The following KDM6A variants were observed in gnomAD, a reference collection of about 807,000 sequenced individuals.
The protein encoded by KDM6A is lysine-specific demethylase 6A.
KDM6A carries 11 observed loss-of-function variants against 117.6 expected under a neutral mutation model. The ratio of observed to expected loss-of-function variants is 0.09; its 90% CI spans 0.06 to 0.15. KDM6A has a LOEUF of 0.15. Among genes scored for constraint, KDM6A ranks in the 10% least tolerant of loss-of-function variants. KDM6A has a pLI of 1.00. For missense variants in KDM6A, 799 were observed against 1,077.3 expected (o/e 0.74, Z 3.62); for synonymous variants, 384 against 396.1 (o/e 0.97, Z 0.36).
At chrX:44,988,400 TCTC>T (rs966488835) in intron 4 of KDM6A, among the ~76,000 whole-genome samples, 5 of 111,566 alleles carry the variant, frequency 4.5e-5, no homozygotes, top group African/African-American at 1.6e-4. Context: ...GAAGCCTTCT[TCTC>T]TCAACTCGTT....
intron 10 of KDM6A, among the ~76,000 whole-genome samples, chrX:45,054,485 G>T (rs2043985933): frequency 9.0e-6 from 1 of 111,644 alleles, no homozygotes; most frequent in African/African-American, 3.3e-5. Flanking sequence ...AGATTTGTTG[G>T]AATGGAGAAG....
chrX:44,948,955 T>C (rs1184836451), intron 2 of KDM6A, among the ~76,000 whole-genome samples: 4 of 112,284 alleles, frequency 3.6e-5, no homozygotes, highest in Non-Finnish European at 7.5e-5. Context: ...AGCAAAAACT[T>C]GGTTAACAGA....
intron 15 of KDM6A, among the ~76,000 whole-genome samples, chrX:45,062,049 GGTATGTTAT>G (rs1317003377): frequency 9.1e-6 from 1 of 109,688 alleles, no homozygotes; most frequent in Non-Finnish European, 1.9e-5. Flanking sequence ...TCATTCCAGA[GGTATGTTAT>G]GTATGTACAA....
chrX:45,001,313 G>C (rs868285135), intron 4 of KDM6A, among the ~76,000 whole-genome samples: 38 of 111,784 alleles, frequency 3.4e-4, no homozygotes, highest in Admixed American at 7.6e-4. Context: ...ACAGTGGGGA[G>C]GGCTGTCCTT....
At chrX:45,040,740 CTCCT>C (rs2043105806) in intron 8 of KDM6A, among the ~76,000 whole-genome samples, 1 of 66,301 alleles carries the variant, frequency 1.5e-5, no homozygotes, top group African/African-American at 6.3e-5. Flanking sequence ...CCCCACCTCC[CTCCT>C]GGATGGGGCG....
At chrX:45,065,309 G>A (rs1157706561) in intron 17 of KDM6A, among the ~76,000 whole-genome samples, 1 of 111,796 alleles carries the variant, frequency 8.9e-6, no homozygotes, top group Non-Finnish European at 1.9e-5. Context: ...CAAGGAGTGA[G>A]AAGAGAGAGA....
chrX:45,104,054 C>T (rs1309019208), intron 27 of KDM6A, among the ~76,000 whole-genome samples: 100 of 91,058 alleles, frequency 1.1e-3, no homozygotes, highest in Non-Finnish European at 1.8e-3. Context: ...GACGGAGTTT[C>T]GCTCTTGTTG....
At chrX:44,992,220 T>C (rs2040635138) in intron 4 of KDM6A, among the ~76,000 whole-genome samples, 1 of 55,024 alleles carries the variant, frequency 1.8e-5, no homozygotes, top group Non-Finnish European at 3.0e-5. Flanking sequence ...TTTTTTTTTT[T>C]TTTTTTTTTT....
intron 27 of KDM6A, among the ~76,000 whole-genome samples, chrX:45,101,418 T>A (rs1303983129): frequency 1.8e-5 from 2 of 111,723 alleles, no homozygotes; most frequent in African/African-American, 3.3e-5. Context: ...TCTATTTTTT[T>A]AATTAATATT....
Position 45,062,634 on chromosome X carries a change from G to A in KDM6A, c.1582-13G>A. ...ATATCTTTGACTATATTCTCTTTTT[G>A]TTCTTCTTCTAGCATTTGGAACAGC... is the stretch of plus-strand genomic sequence containing the variant. On this transcript the variant is annotated splice_polypyrimidine_tract_variant and intron_variant, in intron 15 of 29. Coordinates refer to ENST00000611820, the MANE Select transcript of KDM6A (RefSeq NM_001291415.2). 8.8e-7 allele frequency: 1 copy of A among 1,137,081 alleles called. No individual in the cohort carries two copies. Among genetic ancestry groups the A allele is most frequent in the Non-Finnish European group, 1.2e-6 (1 of 828,652 alleles). 93.7% of individuals were successfully genotyped at this position (1,137,081 alleles called of 1,213,427 possible).
At chrX:45,037,540 TAAATC>T (rs2042870326) in intron 7 of KDM6A, 110 bp from the exon 8 acceptor site, 3 of 560,517 alleles carry the variant, frequency 5.4e-6, no homozygotes, top group South Asian at 3.0e-5. Context: ...TTCTATTACT[TAAATC>T]TATATAGTGT....
At chrX:45,005,640 C>T (rs999901218) in intron 4 of KDM6A, among the ~76,000 whole-genome samples, 3 of 111,018 alleles carry the variant, frequency 2.7e-5, no homozygotes, top group East Asian at 2.8e-4. Context: ...TTAGTCCTTT[C>T]GTTATCCTTC....
At chrX:45,023,812 T>C (rs1009295683) in intron 6 of KDM6A, among the ~76,000 whole-genome samples, 2 of 110,325 alleles carry the variant, frequency 1.8e-5, no homozygotes, top group African/African-American at 6.6e-5. Context: ...CTTCCCCGAG[T>C]CCCCAAAGTC....
At chrX:44,909,777 A>G (rs1376515771) in intron 2 of KDM6A, among the ~76,000 whole-genome samples, 1 of 111,734 alleles carries the variant, frequency 8.9e-6, no homozygotes, top group Non-Finnish European at 1.9e-5. Context: ...CCTTTCCCGT[A>G]GAAGATTAGA....
chrX:44,917,479 T>G (rs1488167755), intron 2 of KDM6A, among the ~76,000 whole-genome samples: 1 of 112,154 alleles, frequency 8.9e-6, no homozygotes, highest in East Asian at 2.8e-4. Context: ...ATCTGTGTAG[T>G]AAATGTTCAA....
At chrX:45,030,744 C>T (rs970934994) in intron 6 of KDM6A, among the ~76,000 whole-genome samples, 1 of 111,229 alleles carries the variant, frequency 9.0e-6, no homozygotes, top group Admixed American at 9.5e-5. Context: ...AAATCTCACT[C>T]TGTCGCCCAT....
chrX:44,894,903 A>T (rs1412204751), intron 2 of KDM6A, among the ~76,000 whole-genome samples: 2 of 106,603 alleles, frequency 1.9e-5, no homozygotes, highest in East Asian at 3.0e-4. Flanking sequence ...AGTAGCTGGG[A>T]TTACAGGCAC....
At chrX:45,040,897 G>A (rs1251402367) in intron 8 of KDM6A, among the ~76,000 whole-genome samples, 7 of 75,115 alleles carry the variant, frequency 9.3e-5, no homozygotes, top group Non-Finnish European at 1.3e-4. Context: ...CCTCCCGGAC[G>A]GGGCGGCTGG....
intron 2 of KDM6A, among the ~76,000 whole-genome samples, chrX:44,888,886 GAATA>G (rs1220605498): frequency 8.9e-6 from 1 of 111,812 alleles, no homozygotes; most frequent in Admixed American, 9.6e-5. Flanking sequence ...ATATCACATT[GAATA>G]AATATATATT....
Sources: gnomAD v4.1 joint callset for allele counts (sites outside exome capture counted in the v4.1 genomes callset) on GRCh38, gnomAD v4.1.1 for gene constraint, MANE v1.5 for transcripts, NCBI Gene and HGNC (gene_info 2026-07-23, HGNC 2026-07-21) for gene names.